The following DIP2A variants were observed in gnomAD, a reference collection of about 807,000 sequenced individuals.
DIP2A encodes disco-interacting protein 2 homolog A.
In DIP2A, 85 loss-of-function variants were observed where a neutral mutation model predicts 177.4. That is an observed-to-expected ratio of 0.48 (90% CI 0.40 to 0.57). The LOEUF is 0.57. Ranked by LOEUF, DIP2A falls within the 20% of genes least tolerant of loss-of-function variation. The probability of loss-of-function intolerance (pLI) is 0.00; values close to 1 mark genes in which losing one functional copy is unlikely to be tolerated. For synonymous variants in DIP2A, 886 were observed against 881.8 expected, an observed-to-expected ratio of 1.00 and a Z score of -0.08; for missense variants, 1,791 against 2,100.2, an observed-to-expected ratio of 0.85 and a Z score of 2.88.
rs1028247552 is a variant in DIP2A, at chr21:46,566,636, C to T, written c.4416C>T (p.Ile1472=). 8.7e-6 allele frequency: 14 copies of T among 1,614,100 alleles called. No individual in the cohort carries two copies. The highest frequency in any genetic ancestry group is 5.5e-5 in the South Asian group (5 of 91,096). The change falls in exon 37 of 38, where the codon ATC becomes ATT. Residue 1472 remains isoleucine (I), a synonymous_variant. Transcript: ENST00000417564. ...LELRGMRYHP[I]DIETSVIRAH... is the part of the protein sequence containing the mutation. ...TCAGAGGCATGCGGTACCACCCCATCGACATTGAGACCTCTGTCATCCGAG... is the reference window on the plus strand; with the variant it reads ...TCAGAGGCATGCGGTACCACCCCATTGACATTGAGACCTCTGTCATCCGAG...
chr21:46,543,876 T>C (rs1482862460), intron 18 of DIP2A, among the ~76,000 whole-genome samples: 1 of 152,192 alleles, frequency 6.6e-6, no homozygotes, highest in African/African-American at 2.4e-5. Flanking sequence ...CAAGCATGGC[T>C]GCATTCTCTC....
In DIP2A at chr21:46,563,899, C is replaced by G; in HGVS notation, c.4131C>G (p.Thr1377=). The part of the protein sequence containing the change: ...GVKVIIAHTE[T]KGPLGDSHLG... The stretch of plus-strand genomic sequence containing the variant: ...AGGTCATCATCGCACACACCGAGAC[C>G]AAAGGACCCTTGGGAGACTCACACC... The change falls in exon 35 of 38, where the codon ACC becomes ACG. Residue 1377 remains threonine, a synonymous_variant. Transcript: ENST00000417564. This position sits in a 1 kb window ranked among gnomAD's most constrained non-coding sequence, Gnocchi z 4.3. The G allele has an allele frequency of 2.5e-6, 4 of 1,613,782 alleles. No homozygotes were observed. Among genetic ancestry groups the G allele is most frequent in the African/African-American group, 1.3e-5 (1 of 75,024 alleles).
intron 1 of DIP2A, among the ~76,000 whole-genome samples, chr21:46,473,318 C>G (rs1276917006): frequency 9.2e-5 from 14 of 151,692 alleles, no homozygotes. Context: ...AAAAAATTAG[C>G]AAGGTGTGTT....
intron 27 of DIP2A, 22 bp downstream of exon 27, chr21:46,554,718 G>T: frequency 6.4e-7 from 1 of 1,555,000 alleles, no homozygotes; most frequent in Non-Finnish European, 8.7e-7. Flanking sequence ...TGGCCCGCGG[G>T]TCAGAGTCTG....
At chr21:46,574,674 A>T (rs2060982196), downstream of DIP2A, among the ~76,000 whole-genome samples, 1 of 152,150 alleles carries the variant, frequency 6.6e-6, no homozygotes, top group Admixed American at 6.5e-5. Flanking sequence ...ACTATGCACA[A>T]TTGTATGCCA....
At chr21:46,583,679 CAG>C in the DIP2A span, among the ~76,000 whole-genome samples, 1 of 152,170 alleles carries the variant, frequency 6.6e-6, no homozygotes, top group African/African-American at 2.4e-5. Context: ...GCCATTATCA[CAG>C]AAATGTGTTC....
chr21:46,539,741 G>A, intron 16 of DIP2A, 136 bp from the exon 17 acceptor site: 1 of 747,646 alleles, frequency 1.3e-6, no homozygotes, highest in South Asian at 1.4e-5. Flanking sequence ...TACCTGTGAA[G>A]GGGCCCCTTC....
Position 46,550,726 on chromosome 21 carries a change from C to T in DIP2A, c.2821C>T (p.Pro941Ser), listed in dbSNP as rs1395426781. 1 of 1,613,932 alleles carries T rather than the reference C, an allele frequency of 6.2e-7. No individual in the cohort carries two copies. The highest frequency in any genetic ancestry group is 8.5e-7 in the Non-Finnish European group (1 of 1,179,908). ...CACCTGTGTTACCAACCTCCCCAAACCTCGTCAGAAACAACCAGGTTAGTT... is the reference window on the plus strand; with the variant it reads ...CACCTGTGTTACCAACCTCCCCAAATCTCGTCAGAAACAACCAGGTTAGTT... ...PHTCVTNLPK[P>S]RQKQPEVGPA... is the part of the protein sequence containing the mutation. Residue 941 changes from proline (P) to serine (S), a missense_variant, in exon 23 of 38, where the codon CCT becomes TCT. Transcript: ENST00000417564.
At chr21:46,464,554 G>A (rs970035025) in intron 1 of DIP2A, among the ~76,000 whole-genome samples, 1 of 152,084 alleles carries the variant, frequency 6.6e-6, no homozygotes, top group Non-Finnish European at 1.5e-5. Context: ...CAGTTCCAGA[G>A]GATGGAAGTC....
Position 46,567,577 on chromosome 21 carries a change from C to G in DIP2A, c.4671C>G (p.Phe1557Leu). 6.2e-7 allele frequency: 1 copy of G among 1,611,826 alleles called. No individual in the cohort carries two copies. The highest frequency in any genetic ancestry group is 8.5e-7 in the Non-Finnish European group (1 of 1,178,524). ...EKQRMHLRDG[F>L]LADQLDPIYV... Reference sequence around the variant, plus strand: ...AGCGCATGCACCTGCGGGACGGCTTCCTGGCTGACCAGCTGGACCCCATCT... The same window carrying G: ...AGCGCATGCACCTGCGGGACGGCTTGCTGGCTGACCAGCTGGACCCCATCT... The change falls in exon 38 of 38, where the codon TTC (phenylalanine) becomes TTG (leucine). Residue 1557 changes from phenylalanine (F) to leucine (L), a missense_variant. Coordinates refer to ENST00000417564, the MANE Select transcript of DIP2A (RefSeq NM_015151.4).
At chr21:46,502,551 G>A (rs1435803957) in intron 5 of DIP2A, among the ~76,000 whole-genome samples, 3 of 142,678 alleles carry the variant, frequency 2.1e-5, no homozygotes, top group Admixed American at 7.6e-5. Context: ...GGGTTCAAGC[G>A]ATTCTCCTGC....
chr21:46,536,533 G>T (rs1049645197), intron 13 of DIP2A, among the ~76,000 whole-genome samples: 11 of 152,214 alleles, frequency 7.2e-5, no homozygotes, highest in African/African-American at 2.7e-4. Context: ...GAGTTGAGAA[G>T]TAAGAATATC....
intron 6 of DIP2A, among the ~76,000 whole-genome samples, chr21:46,507,399 G>A (rs1369302805): frequency 6.6e-6 from 1 of 152,112 alleles, no homozygotes; most frequent in Non-Finnish European, 1.5e-5. Context: ...TAAGTATCAG[G>A]TATGAATCAA....
chr21:46,542,893 G>A (rs2059876767), intron 18 of DIP2A, among the ~76,000 whole-genome samples: 1 of 152,250 alleles, frequency 6.6e-6, no homozygotes, highest in African/African-American at 2.4e-5. Flanking sequence ...GCAGGCGGCT[G>A]TGCTAACCGG....
chr21:46,492,890 A>G (rs1026483782), intron 3 of DIP2A, among the ~76,000 whole-genome samples: 3 of 151,942 alleles, frequency 2.0e-5, no homozygotes, highest in Non-Finnish European at 4.4e-5. Context: ...CAGTGAGCCA[A>G]TATTGCCCCA....
rs1330362312 is a variant in DIP2A, at chr21:46,557,383, G to A, written c.3630-202G>A. On this transcript the variant is annotated intron_variant, in intron 30 of 37. Transcript: ENST00000417564. This position sits in a 1 kb window ranked among gnomAD's most constrained non-coding sequence, Gnocchi z 6.0. ...TCCCCGGATCCTCTCCAAGTGTTCG[G>A]AGCAGAGCTCAGAACCCCGTGCCTG... The A allele has an allele frequency of 8.6e-6, 6 of 697,228 alleles. No homozygotes were observed. Among genetic ancestry groups the A allele is most frequent in the Non-Finnish European group, 1.4e-5 (6 of 428,368 alleles). The allele number at this position is 697,228 out of a possible 1,614,324, so 43.2% of individuals were successfully genotyped here.
intron 8 of DIP2A, among the ~76,000 whole-genome samples, chr21:46,527,772 G>A (rs2059165149): frequency 6.6e-6 from 1 of 152,098 alleles, no homozygotes; most frequent in African/African-American, 2.4e-5. Flanking sequence ...GTGCCACAGG[G>A]ACTTAAAGGG....
Position 46,554,442 on chromosome 21 carries a change from C to A in DIP2A, c.3155-133C>A, listed in dbSNP as rs1038760834. 23 of 1,540,948 alleles carry A rather than the reference C, an allele frequency of 1.5e-5. No individual in the cohort carries two copies. The African/African-American group carries it at 3.0e-4, about 20-fold the overall frequency. The stretch of plus-strand genomic sequence containing the variant: ...TGTGTCTGCCTCCTCAGCTCAGCTA[C>A]CCCTGTGGAAACCCAGGAGTCACCC... On this transcript the variant is annotated intron_variant, in intron 26 of 37. Coordinates refer to ENST00000417564, the MANE Select transcript of DIP2A (RefSeq NM_015151.4).
intron 23 of DIP2A, among the ~76,000 whole-genome samples, chr21:46,551,087 G>C (rs1340123924): frequency 1.3e-5 from 2 of 152,178 alleles, no homozygotes; most frequent in Admixed American, 6.5e-5. Flanking sequence ...CCTGGAGCTG[G>C]ACGAGCTGGA....
Sources: allele counts gnomAD v4.1 joint callset (sites outside exome capture counted in the v4.1 genomes callset), GRCh38; gene constraint gnomAD v4.1.1; non-coding constraint Gnocchi (gnomAD v3.1); transcripts MANE v1.5; gene names NCBI Gene and HGNC (gene_info 2026-07-23, HGNC 2026-07-21).